Variants in ZNF536 observed in about 807,000 individuals in gnomAD.
ZNF536 encodes the protein zinc finger protein 536.
ZNF536 carries 13 observed loss-of-function variants against 84.5 expected under a neutral mutation model. The ratio of observed to expected loss-of-function variants is 0.15; its 90% CI spans 0.10 to 0.24. The LOEUF is 0.24. ZNF536 is among the 10% of genes least tolerant of loss of function. The probability of loss-of-function intolerance (pLI) is 1.00; values close to 1 mark genes in which losing one functional copy is unlikely to be tolerated. For missense variants in ZNF536, 1,536 were observed against 1,747.5 expected (o/e 0.88, Z 2.16); for synonymous variants, 811 against 742.5 (o/e 1.09, Z -1.50).
chr19:30,234,535 G>C (rs2023327152), intron 1 of ZNF536, among the ~76,000 whole-genome samples: 4 of 150,966 alleles, frequency 2.6e-5, no homozygotes, highest in Admixed American at 2.0e-4. Context: ...TCAAGTTGCT[G>C]GGATTACAAG....
At chr19:30,347,402 T>A (rs1405756486) in intron 2 of ZNF536, among the ~76,000 whole-genome samples, 2 of 152,216 alleles carry the variant, frequency 1.3e-5, no homozygotes, top group South Asian at 4.1e-4. Flanking sequence ...GATATCTGCC[T>A]GGGACCAAGC....
At chr19:30,565,886 C>T (rs1302510738) in intron 1 of ZNF536, among the ~76,000 whole-genome samples, 1 of 152,160 alleles carries the variant, frequency 6.6e-6, no homozygotes, top group Non-Finnish European at 1.5e-5. Context: ...CACACACCTC[C>T]AATGCCAAGC....
chr19:30,712,958 GA>G (rs2052497350), exon 2 of ZNF536: 1 of 147,010 alleles, frequency 6.8e-6, no homozygotes, highest in African/African-American at 2.5e-5. Flanking sequence ...AAAAAAAAAA[GA>G]AAAAAGAAAA....
At chr19:30,694,687 A>G (rs2051578040) in intron 1 of ZNF536, among the ~76,000 whole-genome samples, 1 of 152,100 alleles carries the variant, frequency 6.6e-6, no homozygotes, top group Admixed American at 6.5e-5. Flanking sequence ...TTTTTTTTAA[A>G]GAAATAGTGT....
At chr19:30,436,452 C>T (rs1019594060) in intron 1 of ZNF536, 1 of 964,592 alleles carries the variant, frequency 1.0e-6, no homozygotes, top group African/African-American at 2.0e-5. Context: ...CAAATGTCAC[C>T]AGTGTTGATT....
At chr19:30,705,560 TA>T (rs1367636419) in intron 1 of ZNF536, among the ~76,000 whole-genome samples, 65 of 152,340 alleles carry the variant, frequency 4.3e-4, no homozygotes, top group African/African-American at 1.5e-3. Flanking sequence ...CTCTCATCTG[TA>T]CAATGGAGCT....
At chr19:30,447,723 G>C (rs1184926600) in intron 2 of ZNF536, among the ~76,000 whole-genome samples, 6 of 152,208 alleles carry the variant, frequency 3.9e-5, no homozygotes, top group African/African-American at 1.2e-4. Context: ...CTAGGATGAG[G>C]TCTGCTCTTC....
At chr19:30,293,184 G>A (rs1014444085) in intron 2 of ZNF536, among the ~76,000 whole-genome samples, 26 of 152,224 alleles carry the variant, frequency 1.7e-4, no homozygotes, top group African/African-American at 6.0e-4. Flanking sequence ...GATGGTCAGT[G>A]GGTTCGTTGT....
chr19:30,417,353 G>T (rs1193674634), intron 1 of ZNF536, among the ~76,000 whole-genome samples: 1 of 151,774 alleles, frequency 6.6e-6, no homozygotes, highest in East Asian at 1.9e-4. Context: ...GCATGCCGAT[G>T]ACCTGCTTCT....
At position 30,534,890 on chromosome 19, in the gene ZNF536, A is replaced by G. The variant is rs139655309; in HGVS notation, c.2214A>G (p.Pro738=). 3.6e-4 allele frequency: 579 copies of G among 1,613,872 alleles called. 2 individuals are homozygous for G. In the African/African-American group the frequency reaches 7.2e-3, roughly 20 times the overall value. ...EAGRSAGVQQ[P]ALLRDRSLGS... ...GGAGATCTGCCGGCGTCCAGCAACC[A>G]GCGCTGCTTCGCGACAGAAGCCTGG... is the stretch of plus-strand genomic sequence containing the variant. The change falls in exon 3 of 5, where the codon CCA becomes CCG. Residue 738 remains proline (P), a synonymous_variant. Coordinates refer to ENST00000355537, the MANE Select transcript of ZNF536 (RefSeq NM_014717.3).
intron 1 of ZNF536, among the ~76,000 whole-genome samples, chr19:30,662,646 C>T (rs1253372677): frequency 6.6e-6 from 1 of 151,934 alleles, no homozygotes; most frequent in Non-Finnish European, 1.5e-5. Flanking sequence ...GTTTTTCTCT[C>T]TTATTTTTCA....
intron 1 of ZNF536, among the ~76,000 whole-genome samples, chr19:30,599,056 C>T (rs1410161479): frequency 8.2e-6 from 1 of 122,500 alleles, no homozygotes; most frequent in African/African-American, 3.1e-5. Flanking sequence ...CTTTCCCCAT[C>T]TCTCCTCCCT....
At chr19:30,408,739 G>T (rs187772285) in intron 1 of ZNF536, among the ~76,000 whole-genome samples, 1 of 150,062 alleles carries the variant, frequency 6.7e-6, no homozygotes, top group African/African-American at 2.5e-5. Context: ...TTGATCCATC[G>T]GTCCATCTGT....
At chr19:30,288,600 A>C (rs1384317029) in intron 2 of ZNF536, among the ~76,000 whole-genome samples, 1 of 152,234 alleles carries the variant, frequency 6.6e-6, no homozygotes, top group Non-Finnish European at 1.5e-5. Flanking sequence ...CTGACAATGC[A>C]TAGCAAAGGT....
At chr19:30,382,886 C>T (rs2049077736) in intron 1 of ZNF536, among the ~76,000 whole-genome samples, 1 of 152,146 alleles carries the variant, frequency 6.6e-6, no homozygotes, top group Non-Finnish European at 1.5e-5. Flanking sequence ...CAAACATAAA[C>T]CAGGGAGCTA....
chr19:30,487,727 A>G (rs2054355837), intron 2 of ZNF536, among the ~76,000 whole-genome samples: 5 of 152,222 alleles, frequency 3.3e-5, no homozygotes, highest in Admixed American at 3.3e-4. Flanking sequence ...ATAGTAGTAA[A>G]CTAGCATAAT....
At chr19:30,242,582 C>T (rs1347696761) in intron 1 of ZNF536, among the ~76,000 whole-genome samples, 2 of 152,184 alleles carry the variant, frequency 1.3e-5, no homozygotes, top group African/African-American at 2.4e-5. Context: ...AAGCAGGGTC[C>T]CTGCCCCCAA....
intron 2 of ZNF536, among the ~76,000 whole-genome samples, chr19:30,519,952 T>A (rs71350814): frequency 0.025 from 3,803 of 152,292 alleles, 55 homozygotes; most frequent in Middle Eastern, 0.088. Context: ...AATTCTGGGA[T>A]GATTGGGCAG....
chr19:30,493,363 G>A (rs1162608029), intron 2 of ZNF536, among the ~76,000 whole-genome samples: 1 of 151,814 alleles, frequency 6.6e-6, no homozygotes, highest in Non-Finnish European at 1.5e-5. Flanking sequence ...AGAGAACGAG[G>A]TAACAAGGCA....
Sources: gnomAD v4.1 joint callset for allele counts (sites outside exome capture counted in the v4.1 genomes callset) on GRCh38, gnomAD v4.1.1 for gene constraint, MANE v1.5 for transcripts, NCBI Gene and HGNC (gene_info 2026-07-23, HGNC 2026-07-21) for gene names.